PCDH11X: variants seen among roughly 807,000 people sequenced by gnomAD.
PCDH11X encodes protocadherin-11 X-linked.
PCDH11X carries 18 observed loss-of-function variants against 53.3 expected under a neutral mutation model. The ratio of observed to expected loss-of-function variants is 0.34; its 90% CI spans 0.23 to 0.50. The LOEUF is 0.50. Ranked by LOEUF, PCDH11X falls within the 20% of genes least tolerant of loss-of-function variation. The pLI is 0.98. For missense variants in PCDH11X, 570 were observed against 1,032.4 expected, an observed-to-expected ratio of 0.55 and a Z score of 6.14; for synonymous variants, 279 against 393.3, an observed-to-expected ratio of 0.71 and a Z score of 3.44.
chrX:91,817,997 T>C (rs929419014), intron 4 of PCDH11X, among the ~76,000 whole-genome samples: 13 of 111,866 alleles, frequency 1.2e-4, no homozygotes. Flanking sequence ...GCTTCTTCTA[T>C]GATATCTATT....
At chrX:92,515,875 A>G (rs967313308) in intron 10 of PCDH11X, among the ~76,000 whole-genome samples, 3 of 110,962 alleles carry the variant, frequency 2.7e-5, no homozygotes. Context: ...GATATTTTCT[A>G]TTGGAAAATG....
chrX:91,781,175 C>G (rs1935125552), intron 1 of PCDH11X, among the ~76,000 whole-genome samples: 1 of 112,450 alleles, frequency 8.9e-6, no homozygotes. Context: ...AGCTCAGCAA[C>G]AAACAAAATA....
chrX:92,378,908 C>A (rs1034967138), intron 8 of PCDH11X, among the ~76,000 whole-genome samples: 28 of 113,117 alleles, frequency 2.5e-4, no homozygotes, highest in Non-Finnish European at 4.3e-4. Flanking sequence ...CTATGGTAGA[C>A]CATGTGGCTT....
chrX:92,179,749 G>T (rs776383662), intron 6 of PCDH11X, among the ~76,000 whole-genome samples: 1 of 111,991 alleles, frequency 8.9e-6, no homozygotes, highest in South Asian at 3.7e-4. Flanking sequence ...TAATACAGTT[G>T]TAGAAATCTG....
At chrX:92,261,940 C>A (rs1232153592) in intron 7 of PCDH11X, among the ~76,000 whole-genome samples, 2 of 110,974 alleles carry the variant, frequency 1.8e-5, no homozygotes, top group African/African-American at 6.5e-5. Context: ...TGAATCTGAT[C>A]GATGCAGAGA....
chrX:92,441,118 T>C (rs1603315509), intron 9 of PCDH11X, among the ~76,000 whole-genome samples: 1 of 108,560 alleles, frequency 9.2e-6, no homozygotes, highest in East Asian at 3.0e-4. Flanking sequence ...TTAGGGTATC[T>C]GGTGGAAGAA....
At chrX:92,540,482 C>G (rs35429306) in intron 10 of PCDH11X, among the ~76,000 whole-genome samples, 2,666 of 105,844 alleles carry the variant, frequency 0.025, 125 homozygotes, top group African/African-American at 0.089. Flanking sequence ...GCCTAAAGCA[C>G]GTCCAGAATT....
intron 6 of PCDH11X, among the ~76,000 whole-genome samples, chrX:92,064,333 T>G (rs989399272): frequency 1.8e-5 from 2 of 110,272 alleles, no homozygotes; most frequent in Non-Finnish European, 3.8e-5. Flanking sequence ...CATTTTATTT[T>G]TTGTTCTTCT....
chrX:91,983,096 A>C, intron 6 of PCDH11X: 1 of 1,096,649 alleles, frequency 9.1e-7, no homozygotes, highest in Non-Finnish European at 1.3e-6. Context: ...CCCGGATGGA[A>C]GGCCCAGCAA....
chrX:91,954,004 A>C (rs374223980), intron 6 of PCDH11X, among the ~76,000 whole-genome samples: 2 of 110,002 alleles, frequency 1.8e-5, no homozygotes, highest in East Asian at 5.8e-4. Flanking sequence ...CAGGATGTGC[A>C]GGTTTGTTAC....
chrX:92,226,835 A>G (rs1268099735), intron 7 of PCDH11X, among the ~76,000 whole-genome samples: 2 of 110,660 alleles, frequency 1.8e-5, no homozygotes, highest in African/African-American at 6.6e-5. Context: ...AATGCTTACA[A>G]TTTTTTGATT....
chrX:92,052,860 T>C (rs1393246915), intron 6 of PCDH11X, among the ~76,000 whole-genome samples: 5 of 110,191 alleles, frequency 4.5e-5, no homozygotes, highest in Non-Finnish European at 9.5e-5. Flanking sequence ...TATCAAAACT[T>C]TATGAAGTAA....
chrX:92,096,438 ATGTGTGTGTGTG>A (rs10591250), intron 6 of PCDH11X, among the ~76,000 whole-genome samples: 9 of 94,403 alleles, frequency 9.5e-5, no homozygotes, highest in East Asian at 3.4e-4. Flanking sequence ...GTGTATGTGT[ATGTGTGTGTGTG>A]TGTGTGTGTG....
At position 91,968,017 on chromosome X, in the gene PCDH11X, G is replaced by A. The variant is rs762827373; in HGVS notation, c.3033+88744G>A. ...AACTTGAACAATGTCTTCTGAATGC[G>A]ATCCATTTGCTTTTGTTTCACGTCT... On this transcript the variant is annotated intron_variant, in intron 6 of 10. Transcript: ENST00000682573. 3.6e-5 allele frequency among the ~76,000 whole-genome samples: 4 copies of A among 111,714 alleles called. No homozygotes were observed. In the South Asian group the frequency reaches 1.5e-3, roughly 42 times the overall value.
At chrX:92,260,451 C>G (rs1437330366) in intron 7 of PCDH11X, among the ~76,000 whole-genome samples, 3 of 111,198 alleles carry the variant, frequency 2.7e-5, no homozygotes, top group Non-Finnish European at 5.7e-5. Flanking sequence ...TGCATCATGC[C>G]TCCTCTGCCT....
intron 7 of PCDH11X, among the ~76,000 whole-genome samples, chrX:92,216,986 A>G (rs1240717721): frequency 9.0e-6 from 1 of 110,532 alleles, no homozygotes; most frequent in Admixed American, 9.7e-5. Flanking sequence ...AAAATACTTT[A>G]CAGACAAGCA....
At chrX:92,235,055 AAG>A (rs2148375943) in intron 7 of PCDH11X, among the ~76,000 whole-genome samples, 1 of 111,562 alleles carries the variant, frequency 9.0e-6, no homozygotes, top group African/African-American at 3.2e-5. Flanking sequence ...AAAAAAGAAA[AAG>A]AGATACAAGA....
At chrX:92,542,898 T>C (rs1227736362) in intron 10 of PCDH11X, among the ~76,000 whole-genome samples, 1 of 111,872 alleles carries the variant, frequency 8.9e-6, no homozygotes. Context: ...GCCATCTTTC[T>C]AGATTTTTCA....
At chrX:92,165,136 T>C (rs1280850358) in intron 6 of PCDH11X, among the ~76,000 whole-genome samples, 1 of 110,637 alleles carries the variant, frequency 9.0e-6, no homozygotes. Context: ...TTAAGAGTAA[T>C]TGACTCATTG....
Sources: allele counts gnomAD v4.1 joint callset (sites outside exome capture counted in the v4.1 genomes callset), GRCh38; gene constraint gnomAD v4.1.1; transcripts MANE v1.5; gene names NCBI Gene and HGNC (gene_info 2026-07-23, HGNC 2026-07-21).